ADAM32: variants seen among roughly 807,000 people sequenced by gnomAD.
ADAM32 encodes ADAM metallopeptidase domain 32.
Under a neutral mutation model 114.9 loss-of-function variants are expected in ADAM32, and 89 were observed. The ratio of observed to expected loss-of-function variants is 0.77; its 90% CI spans 0.65 to 0.92. The LOEUF is 0.92. Ranked by LOEUF, ADAM32 falls within the 40% of genes least tolerant of loss-of-function variation. The probability of loss-of-function intolerance (pLI) is 0.00; values close to 1 mark genes in which losing one functional copy is unlikely to be tolerated. For synonymous variants in ADAM32, 285 were observed against 307.5 expected, an observed-to-expected ratio of 0.93 and a Z score of 0.77; for missense variants, 870 against 932.8, an observed-to-expected ratio of 0.93 and a Z score of 0.88.
intron 10 of ADAM32, among the ~76,000 whole-genome samples, chr8:39,180,715 G>A (rs933015642): frequency 2.6e-5 from 4 of 152,214 alleles, no homozygotes; most frequent in Non-Finnish European, 4.4e-5. Context: ...GTCTAGCTCA[G>A]GGTTTGTGAG....
At chr8:39,270,230 G>T (rs921178468) in intron 19 of ADAM32, among the ~76,000 whole-genome samples, 1 of 152,192 alleles carries the variant, frequency 6.6e-6, no homozygotes, top group Non-Finnish European at 1.5e-5. Context: ...CATGCATGGT[G>T]TTCAAGAATT....
chr8:39,188,450 T>C (rs1306983186), intron 11 of ADAM32, among the ~76,000 whole-genome samples: 1 of 152,160 alleles, frequency 6.6e-6, no homozygotes, highest in Non-Finnish European at 1.5e-5. Context: ...TTTGGGCTCA[T>C]TGTTCATATG....
chr8:39,143,598 G>A (rs1585392044), intron 3 of ADAM32, among the ~76,000 whole-genome samples: 1 of 152,104 alleles, frequency 6.6e-6, no homozygotes. Context: ...TCCCAGAGGG[G>A]CACCTGCTTG....
At chr8:39,137,324 A>T (rs2129445053) in intron 3 of ADAM32, among the ~76,000 whole-genome samples, 1 of 152,324 alleles carries the variant, frequency 6.6e-6, no homozygotes, top group South Asian at 2.1e-4. Context: ...AGAGAGGTGG[A>T]TTATGAGAAA....
chr8:39,244,127 C>T (rs1810740606), intron 16 of ADAM32, among the ~76,000 whole-genome samples: 1 of 152,016 alleles, frequency 6.6e-6, no homozygotes, highest in South Asian at 2.1e-4. Context: ...ATGACACAAA[C>T]AAATGAAAAC....
chr8:39,202,807 G>T (rs1490172388), intron 11 of ADAM32, among the ~76,000 whole-genome samples: 1 of 152,172 alleles, frequency 6.6e-6, no homozygotes, highest in Non-Finnish European at 1.5e-5. Flanking sequence ...CTTTGAATGT[G>T]TCCCAGAGAT....
chr8:39,152,237 C>T (rs1413940675), intron 6 of ADAM32, among the ~76,000 whole-genome samples: 15 of 152,048 alleles, frequency 9.9e-5, no homozygotes, highest in African/African-American at 1.7e-4. Flanking sequence ...ACAGAATTGC[C>T]GGTTATGGTC....
intron 6 of ADAM32, chr8:39,157,470 ACT>A: frequency 3.0e-6 from 1 of 337,186 alleles, no homozygotes. Context: ...ATTTTTCTTC[ACT>A]CTTTTTTTTT....
chr8:39,261,423 T>G (rs1476921578), intron 19 of ADAM32, among the ~76,000 whole-genome samples: 1 of 151,996 alleles, frequency 6.6e-6, no homozygotes, highest in Non-Finnish European at 1.5e-5. Context: ...TGATATTCCA[T>G]TGTGTATCTA....
intron 13 of ADAM32, 125 bp downstream of exon 13, chr8:39,221,827 T>A: frequency 1.6e-6 from 1 of 642,418 alleles, no homozygotes; most frequent in Non-Finnish European, 2.4e-6. Flanking sequence ...AGAAAGATAA[T>A]AAATTCAGAA....
At chr8:39,227,228 T>A (rs755025307) in intron 14 of ADAM32, among the ~76,000 whole-genome samples, 17 of 152,106 alleles carry the variant, frequency 1.1e-4, no homozygotes, top group Non-Finnish European at 2.5e-4. Flanking sequence ...CCCTTCCTCC[T>A]CTCCTGAACA....
At chr8:39,203,866 GA>G (rs1338498550) in intron 11 of ADAM32, among the ~76,000 whole-genome samples, 2 of 152,032 alleles carry the variant, frequency 1.3e-5, no homozygotes, top group Non-Finnish European at 2.9e-5. Flanking sequence ...GTCTGTAAAG[GA>G]TTTTATTTCT....
At chr8:39,204,262 G>A (rs1255252936) in intron 11 of ADAM32, among the ~76,000 whole-genome samples, 1 of 152,128 alleles carries the variant, frequency 6.6e-6, no homozygotes. Flanking sequence ...ATCACTTTCA[G>A]GTACACCAAT....
Position 39,223,214 on chromosome 8 carries a change from C to G in ADAM32, c.1501C>G (p.Arg501Gly). ...YDGDCHDLDA[R>G]CESVFGKGSR... is the part of the protein sequence containing the mutation. ...CGGAGACTGCCATGATCTCGATGCA[C>G]GTTGTGAGAGTGTATTTGGAAAAGG... The change falls in exon 14 of 25, where the codon CGT becomes GGT. Residue 501 changes from arginine to glycine, a missense_variant. Coordinates refer to ENST00000379907, the MANE Select transcript of ADAM32 (RefSeq NM_145004.7). 1 of 1,588,320 alleles carries G rather than the reference C, an allele frequency of 6.3e-7. No homozygotes were observed. The highest frequency in any genetic ancestry group is 1.2e-5 in the South Asian group (1 of 85,458).
intron 2 of ADAM32, among the ~76,000 whole-genome samples, chr8:39,123,283 T>C (rs867920353): frequency 8.7e-4 from 133 of 152,236 alleles, no homozygotes; most frequent in African/African-American, 3.1e-3. Context: ...TTGGGTAGTG[T>C]AAATCCTTCA....
intron 13 of ADAM32, among the ~76,000 whole-genome samples, chr8:39,221,930 G>T (rs1335736228): frequency 6.6e-6 from 1 of 151,802 alleles, no homozygotes; most frequent in African/African-American, 2.4e-5. Flanking sequence ...TTGATTTAGA[G>T]ATATTATTGG....
intron 11 of ADAM32, among the ~76,000 whole-genome samples, chr8:39,199,864 A>G (rs1807274905): frequency 6.6e-6 from 1 of 151,420 alleles, no homozygotes; most frequent in African/African-American, 2.4e-5. Flanking sequence ...GAGTGAGAAC[A>G]TGCGGTGTTT....
intron 14 of ADAM32, among the ~76,000 whole-genome samples, chr8:39,227,900 A>G (rs1809490398): frequency 6.6e-6 from 1 of 152,202 alleles, no homozygotes. Flanking sequence ...TTAAGCCACC[A>G]AAGCTAAGAA....
intron 9 of ADAM32, chr8:39,167,335 T>G (rs987979415): frequency 2.6e-5 from 4 of 152,136 alleles, no homozygotes; most frequent in African/African-American, 9.7e-5. Flanking sequence ...TTTGCTTTGC[T>G]GAAGATCAGT....
Sources: gnomAD v4.1 joint callset for allele counts (sites outside exome capture counted in the v4.1 genomes callset) on GRCh38, gnomAD v4.1.1 for gene constraint, MANE v1.5 for transcripts, NCBI Gene and HGNC (gene_info 2026-07-23, HGNC 2026-07-21) for gene names.